Variants in RBFOX1 observed in about 807,000 individuals in gnomAD.
The protein encoded by RBFOX1 is RNA binding fox-1 homolog 1.
RBFOX1 carries 8 observed loss-of-function variants against 57.7 expected under a neutral mutation model. The observed-to-expected ratio is 0.14, with a 90% CI of 0.08 to 0.25. The LOEUF is 0.25. RBFOX1 is among the 10% of genes least tolerant of loss of function. RBFOX1 has a pLI of 1.00. For synonymous variants in RBFOX1, 326 were observed against 222.4 expected (o/e 1.47, Z -4.15); for missense variants, 611 against 548.5 (o/e 1.11, Z -1.14).
chr16:5,753,857 G>GAAA (rs529438194), intron 3 of RBFOX1, among the ~76,000 whole-genome samples: 3 of 142,186 alleles, frequency 2.1e-5, no homozygotes, highest in African/African-American at 7.7e-5. Context: ...AGTTTTCATT[G>GAAA]AAAAAAAAAA....
intron 4 of RBFOX1, among the ~76,000 whole-genome samples, chr16:5,869,110 C>T (rs1413474656): frequency 6.6e-6 from 1 of 152,150 alleles, no homozygotes; most frequent in East Asian, 1.9e-4. Context: ...CCATGTCTGG[C>T]AGGGTACAAA....
At chr16:6,856,744 A>G (rs149439189) in intron 3 of RBFOX1, among the ~76,000 whole-genome samples, 1,785 of 152,274 alleles carry the variant, frequency 0.012, 20 homozygotes, top group Non-Finnish European at 0.019. Context: ...GGCAATAATG[A>G]TGATCCATTT....
intron 4 of RBFOX1, among the ~76,000 whole-genome samples, chr16:5,894,687 C>T (rs1294278275): frequency 1.3e-5 from 2 of 152,146 alleles, no homozygotes; most frequent in South Asian, 2.1e-4. Context: ...ATACATTGGA[C>T]CATGTTATCT....
chr16:6,499,199 T>G (rs1000818354), intron 2 of RBFOX1, among the ~76,000 whole-genome samples: 1 of 152,126 alleles, frequency 6.6e-6, no homozygotes, highest in African/African-American at 2.4e-5. Flanking sequence ...GGAAATAAGT[T>G]GGTTGTTAGG....
chr16:5,640,567 AT>A (rs2048829403), intron 3 of RBFOX1, among the ~76,000 whole-genome samples: 1 of 151,912 alleles, frequency 6.6e-6, no homozygotes, highest in African/African-American at 2.4e-5. Flanking sequence ...ATGCATACAT[AT>A]GCACACACAT....
chr16:6,492,532 G>A (rs1486829624), intron 2 of RBFOX1, among the ~76,000 whole-genome samples: 1 of 152,136 alleles, frequency 6.6e-6, no homozygotes, highest in Non-Finnish European at 1.5e-5. Context: ...TGGTGCCACT[G>A]CACTACAGCC....
intron 3 of RBFOX1, among the ~76,000 whole-genome samples, chr16:6,725,835 A>G (rs1047712340): frequency 7.9e-5 from 12 of 152,140 alleles, no homozygotes; most frequent in Non-Finnish European, 1.3e-4. Flanking sequence ...GGGTTGTGCA[A>G]TACTGTTTGC....
chr16:7,387,615 C>T (rs1343675434), intron 4 of RBFOX1, among the ~76,000 whole-genome samples: 4 of 152,082 alleles, frequency 2.6e-5, no homozygotes, highest in Admixed American at 1.3e-4. Flanking sequence ...TATGGTCAAG[C>T]ATTGCAAAAG....
chr16:7,194,387 C>A (rs1292545338), intron 4 of RBFOX1, among the ~76,000 whole-genome samples: 1 of 152,122 alleles, frequency 6.6e-6, no homozygotes, highest in Non-Finnish European at 1.5e-5. Flanking sequence ...CAAAGCACAT[C>A]AATGTAAAAA....
intron 1 of RBFOX1, among the ~76,000 whole-genome samples, chr16:6,085,679 T>TGC (rs962500661): frequency 6.6e-6 from 1 of 152,174 alleles, no homozygotes; most frequent in African/African-American, 2.4e-5. Context: ...TCTGTGTGTG[T>TGC]GCATGCGCGC....
chr16:7,337,312 T>G (rs2096807777), intron 4 of RBFOX1, among the ~76,000 whole-genome samples: 2 of 151,908 alleles, frequency 1.3e-5, no homozygotes, highest in Non-Finnish European at 2.9e-5. Context: ...CCTCTTAGAG[T>G]CGGGAAGAGG....
At chr16:6,223,721 C>G (rs1489606084) in intron 1 of RBFOX1, among the ~76,000 whole-genome samples, 1 of 152,146 alleles carries the variant, frequency 6.6e-6, no homozygotes, top group Non-Finnish European at 1.5e-5. Flanking sequence ...TCCCATTTGT[C>G]AATTTTGGCT....
chr16:5,260,401 A>T (rs1475522779), intron 1 of RBFOX1, among the ~76,000 whole-genome samples: 1 of 152,224 alleles, frequency 6.6e-6, no homozygotes, highest in Non-Finnish European at 1.5e-5. Context: ...GACACTTCTG[A>T]TCACACAAAA....
chr16:5,354,305 T>C (rs1345569237), intron 1 of RBFOX1, among the ~76,000 whole-genome samples: 1 of 152,210 alleles, frequency 6.6e-6, no homozygotes, highest in Admixed American at 6.5e-5. Flanking sequence ...TTTTTTTCTC[T>C]ATTCACTGTC....
intron 3 of RBFOX1, among the ~76,000 whole-genome samples, chr16:6,941,895 A>C (rs1274611237): frequency 6.6e-6 from 1 of 152,040 alleles, no homozygotes; most frequent in Non-Finnish European, 1.5e-5. Flanking sequence ...GTAGCTTCAA[A>C]TGCCTGTGCT....
chr16:6,585,628 C>T (rs960225656), intron 2 of RBFOX1, among the ~76,000 whole-genome samples: 1 of 152,102 alleles, frequency 6.6e-6, no homozygotes, highest in Non-Finnish European at 1.5e-5. Flanking sequence ...CTGGTTAGAT[C>T]AATGACATAG....
intron 4 of RBFOX1, among the ~76,000 whole-genome samples, chr16:7,191,673 G>T (rs1044364635): frequency 6.6e-6 from 1 of 152,164 alleles, no homozygotes; most frequent in African/African-American, 2.4e-5. Context: ...TCCGTCAGAA[G>T]GGCATGCTCA....
intron 4 of RBFOX1, among the ~76,000 whole-genome samples, chr16:6,000,854 CAGGT>C (rs2060587163): frequency 1.0e-5 from 1 of 99,276 alleles, no homozygotes; most frequent in Non-Finnish European, 1.9e-5. Flanking sequence ...GGTGGGTGGA[CAGGT>C]AGGTGGGTGG....
At chr16:7,152,623 T>C (rs763212193) in intron 4 of RBFOX1, among the ~76,000 whole-genome samples, 9 of 152,154 alleles carry the variant, frequency 5.9e-5, no homozygotes, top group South Asian at 2.1e-4. Flanking sequence ...GTCTGTCTTA[T>C]TGGAAAGATG....
Sources: allele counts gnomAD v4.1 joint callset (sites outside exome capture counted in the v4.1 genomes callset), GRCh38; gene constraint gnomAD v4.1.1; transcripts MANE v1.5; gene names NCBI Gene and HGNC (gene_info 2026-07-23, HGNC 2026-07-21).